The following STARD9 variants were observed in gnomAD, a reference collection of about 807,000 sequenced individuals.
The protein encoded by STARD9 is StAR related lipid transfer domain containing 9.
In STARD9, 346 loss-of-function variants were observed where a neutral mutation model predicts 399.8. That is an observed-to-expected ratio of 0.87 (90% CI 0.79 to 0.95). The LOEUF (loss-of-function observed/expected upper bound fraction) is 0.95, where lower values mean the gene tolerates loss of function less well. STARD9 is among the 40% of genes least tolerant of loss of function. The probability of loss-of-function intolerance (pLI) is 0.00; values close to 1 mark genes in which losing one functional copy is unlikely to be tolerated. For synonymous variants in STARD9, 2,203 were observed against 2,143.5 expected (o/e 1.03, Z -0.77); for missense variants, 5,832 against 5,667.5 (o/e 1.03, Z -0.93).
At position 42,688,824 on chromosome 15, in the gene STARD9, A is replaced by T. The variant is rs28744617; in HGVS notation, c.7246A>T (p.Met2416Leu). The T allele has an allele frequency of 6.5e-7, 1 of 1,537,052 alleles. No individual in the cohort carries two copies. Among genetic ancestry groups the T allele is most frequent in the Non-Finnish European group, 8.7e-7 (1 of 1,146,870 alleles). Residue 2416 changes from methionine to leucine, a missense_variant, in exon 23 of 33, where the codon ATG becomes TTG. Met to Leu is a conservative substitution (Grantham distance 15). Around this residue, in one of 2 missense-constraint regions of STARD9, gnomAD observed 5,828 missense variants for 5,651.1 expected, o/e 1.03. Coordinates refer to ENST00000290607, the MANE Select transcript of STARD9 (RefSeq NM_020759.3). ...GTGTGGGTCTGTGCGATCCATGGCC[A>T]TGGGATCTCATAGTCAATCTGGTGT... ...AWCGSVRSMA[M>L]GSHSQSGVPE...
intron 4 of STARD9, among the ~76,000 whole-genome samples, chr15:42,636,962 G>T (rs561196485): frequency 8.6e-5 from 13 of 151,936 alleles, no homozygotes; most frequent in African/African-American, 2.9e-4. Flanking sequence ...TACTTGGGAA[G>T]CTGAGGCAGG....
rs763967566 is a variant in STARD9, at chr15:42,675,870, A to T, written c.1771-2A>T. On this transcript the variant is annotated splice_acceptor_variant, in intron 19 of 32. Coordinates refer to ENST00000290607, the MANE Select transcript of STARD9 (RefSeq NM_020759.3). LOFTEE classifies it high-confidence loss of function. ...CTCACTGTGCTTTCTTCCTTGTTCA[A>T]GGTTGGAGAGGCTGCTGCTGGTCGT... The T allele has an allele frequency of 1.5e-4, 226 of 1,537,222 alleles. No homozygotes were observed. The highest frequency in any genetic ancestry group is 7.8e-4 in the Admixed American group (40 of 51,000).
At position 42,694,724 on chromosome 15, in the gene STARD9, A is replaced by G; in HGVS notation, c.12961A>G (p.Arg4321Gly). 6.5e-7 allele frequency: 1 copy of G among 1,536,964 alleles called. No homozygotes were observed. Among genetic ancestry groups the G allele is most frequent in the Non-Finnish European group, 8.7e-7 (1 of 1,146,722 alleles). The change falls in exon 24 of 33, where the codon AGG becomes GGG. Residue 4321 changes from arginine to glycine, a missense_variant and splice_region_variant. Around this residue, in one of 2 missense-constraint regions of STARD9, gnomAD observed 5,828 missense variants for 5,651.1 expected, o/e 1.03. Transcript: ENST00000290607. The part of the protein sequence containing the change: ...QLRKDVVETT[R>G]SPESVSRSAH... ...GAGGAAGGATGTTGTGGAGACCACC[A>G]GGTAGTGTGGACCGAGAACCCTGCT...
rs1356572023 is a variant in STARD9, at chr15:42,694,065, C to T, written c.12487C>T (p.Leu4163=). 6.5e-7 allele frequency: 1 copy of T among 1,536,766 alleles called. No homozygotes were observed. The highest frequency in any genetic ancestry group is 2.0e-5 in the Admixed American group (1 of 50,902). ...GGGGTTGGACATGACTGAGGAGGAG[C>T]TGGGGGCCAGCGGTGATCTCAGCTC... ...PGGLDMTEEE[L]GASGDLSSEK... The change falls in exon 23 of 33, where the codon CTG becomes TTG. Residue 4163 remains leucine, a synonymous_variant. Transcript: ENST00000290607.
chr15:42,687,755 T>C lies in STARD9; in HGVS notation c.6177T>C (p.Asn2059=), dbSNP rs1265704658. The part of the protein sequence containing the change: ...RLIRSVMQLE[N]GILEIESKQN... The stretch of plus-strand genomic sequence containing the variant: ...TTAGGAGTGTAATGCAGCTGGAAAA[T>C]GGCATCTTAGAAATTGAATCTAAGC... The change falls in exon 23 of 33, where the codon AAT becomes AAC. Residue 2059 remains asparagine (N), a synonymous_variant. Transcript: ENST00000290607. 1 of 1,537,528 alleles carries C rather than the reference T, an allele frequency of 6.5e-7. No individual in the cohort carries two copies. Among genetic ancestry groups the C allele is most frequent in the East Asian group, 2.4e-5 (1 of 40,912 alleles).
chr15:42,607,063 T>C (rs1429967420), intron 3 of STARD9, among the ~76,000 whole-genome samples: 1 of 151,862 alleles, frequency 6.6e-6, no homozygotes, highest in African/African-American at 2.4e-5. Flanking sequence ...TCCTACCACC[T>C]TAGCTTCCTG....
At chr15:42,626,055 G>A (rs1253148254) in intron 3 of STARD9, among the ~76,000 whole-genome samples, 1 of 151,932 alleles carries the variant, frequency 6.6e-6, no homozygotes, top group East Asian at 1.9e-4. Context: ...CCAAGTAACT[G>A]GCATTACAGG....
At chr15:42,578,544 C>T (rs2058102731) in intron 1 of STARD9, among the ~76,000 whole-genome samples, 1 of 152,054 alleles carries the variant, frequency 6.6e-6, no homozygotes, top group South Asian at 2.1e-4. Flanking sequence ...ATTATGAGAA[C>T]ACATCTGATC....
At chr15:42,675,803 A>C (rs938012951) in intron 19 of STARD9, 57 bp downstream of exon 19, 76 of 1,533,992 alleles carry the variant, frequency 5.0e-5, no homozygotes, top group Non-Finnish European at 5.6e-5. Flanking sequence ...CACCTTTTAG[A>C]TGAAAAGCCA....
At chr15:42,639,121 A>G (rs2059482787) in intron 7 of STARD9, among the ~76,000 whole-genome samples, 1 of 152,230 alleles carries the variant, frequency 6.6e-6, no homozygotes, top group Non-Finnish European at 1.5e-5. Context: ...GATCAGGAAG[A>G]GCTTCTCTGA....
intron 3 of STARD9, among the ~76,000 whole-genome samples, chr15:42,597,477 C>T (rs1463853136): frequency 2.6e-5 from 4 of 152,126 alleles, no homozygotes; most frequent in East Asian, 1.9e-4. Flanking sequence ...AAGCGATTCT[C>T]GTGCCCCAGC....
At chr15:42,581,277 G>A (rs558658193) in intron 1 of STARD9, 2 of 971,260 alleles carry the variant, frequency 2.1e-6, no homozygotes, top group African/African-American at 3.2e-5. Context: ...GATGGCAGGT[G>A]GGGTCTGAGC....
intron 3 of STARD9, among the ~76,000 whole-genome samples, chr15:42,633,855 G>A (rs1386760784): frequency 6.6e-6 from 1 of 151,838 alleles, no homozygotes; most frequent in Non-Finnish European, 1.5e-5. Context: ...TGTTGGCCAG[G>A]CCTGTCTCGA....
intron 3 of STARD9, among the ~76,000 whole-genome samples, chr15:42,587,423 GT>G (rs1274219121): frequency 1.3e-5 from 2 of 152,164 alleles, no homozygotes; most frequent in African/African-American, 4.8e-5. Context: ...CACCTTTGTA[GT>G]CCTAATGTGT....
intron 3 of STARD9, among the ~76,000 whole-genome samples, chr15:42,599,088 T>G (rs1424993513): frequency 6.6e-6 from 1 of 152,144 alleles, no homozygotes; most frequent in Admixed American, 6.5e-5. Context: ...CATGCCTGGC[T>G]AATTTTTGTA....
At chr15:42,673,354 A>G (rs567188617) in intron 16 of STARD9, among the ~76,000 whole-genome samples, 89 of 152,318 alleles carry the variant, frequency 5.8e-4, no homozygotes, top group African/African-American at 2.0e-3. Flanking sequence ...GTGAGCTGAG[A>G]TTGCACCACT....
At chr15:42,635,952 AG>A (rs2059411073) in intron 4 of STARD9, among the ~76,000 whole-genome samples, 1 of 152,314 alleles carries the variant, frequency 6.6e-6, no homozygotes, top group Non-Finnish European at 1.5e-5. Flanking sequence ...ACAGAAAATC[AG>A]GAGGGCAGAG....
chr15:42,612,072 G>C (rs986049555), intron 3 of STARD9, among the ~76,000 whole-genome samples: 3 of 152,146 alleles, frequency 2.0e-5, no homozygotes, highest in Non-Finnish European at 4.4e-5. Flanking sequence ...GGGCTCAAGT[G>C]ATCATCCTGT....
At chr15:42,711,333 G>C (rs1028899521) in intron 26 of STARD9, among the ~76,000 whole-genome samples, 1 of 152,002 alleles carries the variant, frequency 6.6e-6, no homozygotes, top group Non-Finnish European at 1.5e-5. Flanking sequence ...TAGAGACGGG[G>C]TTTCACCATG....
Sources: allele counts gnomAD v4.1 joint callset (sites outside exome capture counted in the v4.1 genomes callset), GRCh38; gene constraint gnomAD v4.1.1; regional missense constraint gnomAD v4.1.1; transcripts MANE v1.5; gene names NCBI Gene and HGNC (gene_info 2026-07-23, HGNC 2026-07-21).